ABLIM2: variants seen among roughly 807,000 people sequenced by gnomAD.
ABLIM2 encodes actin binding LIM protein family member 2.
ABLIM2 carries 53 observed loss-of-function variants against 97.7 expected under a neutral mutation model. The ratio of observed to expected loss-of-function variants is 0.54; its 90% CI spans 0.44 to 0.68. ABLIM2 has a LOEUF of 0.68. Ranked by LOEUF, ABLIM2 falls within the 30% of genes least tolerant of loss-of-function variation. ABLIM2 has a pLI of 0.00. For missense variants in ABLIM2, 835 were observed against 867.2 expected (o/e 0.96, Z 0.47); for synonymous variants, 361 against 345.8 (o/e 1.04, Z -0.49).
chr4:8,080,647 G>T, intron 5 of ABLIM2, 29 bp downstream of exon 5: 1 of 1,567,856 alleles, frequency 6.4e-7, no homozygotes, highest in East Asian at 2.3e-5. Flanking sequence ...CTGAGCGGAG[G>T]CTCTCACTAG....
At chr4:8,057,586 T>C (rs1800131087) in intron 7 of ABLIM2, among the ~76,000 whole-genome samples, 1 of 152,216 alleles carries the variant, frequency 6.6e-6, no homozygotes, top group Non-Finnish European at 1.5e-5. Context: ...CCTTGACTTC[T>C]CACCAACATG....
chr4:8,000,946 A>T (rs528509034), intron 16 of ABLIM2, among the ~76,000 whole-genome samples: 50 of 152,210 alleles, frequency 3.3e-4, no homozygotes, highest in African/African-American at 1.2e-3. Context: ...CGGGCACCTT[A>T]TGGGCAGAGG....
In ABLIM2 at chr4:8,015,133, C is replaced by T. The variant is rs975770735; in HGVS notation, c.1423+4485G>A. Reference sequence around the variant, plus strand: ...ACGGGGTTTCACCATGTTGGCCAGGCTGGTCTCGAATGCTTGACCTCAGGT... The same window carrying T: ...ACGGGGTTTCACCATGTTGGCCAGGTTGGTCTCGAATGCTTGACCTCAGGT... On this transcript the variant is annotated intron_variant, in intron 14 of 20. Coordinates refer to ENST00000447017, the MANE Select transcript of ABLIM2 (RefSeq NM_001130083.2). The surrounding 1 kb of genome is among the most constrained non-coding windows in gnomAD (Gnocchi z 4.6). Among the ~76,000 whole-genome samples, 2 of 152,116 alleles carry T rather than the reference C, an allele frequency of 1.3e-5. No individual in the cohort carries two copies. The highest frequency in any genetic ancestry group is 4.8e-5 in the African/African-American group (2 of 41,410).
In ABLIM2 at chr4:8,025,643, G is replaced by T. The variant is rs76647829; in HGVS notation, c.1267+2116C>A. Among the ~76,000 whole-genome samples, 696 of 152,326 alleles carry T rather than the reference G, an allele frequency of 4.6e-3. 5 individuals carry two copies. The highest frequency in any genetic ancestry group is 0.016 in the African/African-American group (669 of 41,574). ...TGGACACTCAGGACGGGGCAGAGGA[G>T]GGGAGGGTCGCCAGGGCTGGCTCTG... On this transcript the variant is annotated intron_variant, in intron 12 of 20. Transcript: ENST00000447017.
rs755517855 is a variant in ABLIM2 at position 8,061,083 on chromosome 4, T to C, written c.676-29A>G. On this transcript the variant is annotated intron_variant, in intron 6 of 20. Transcript: ENST00000447017. This position sits in a 1 kb window ranked among gnomAD's most constrained non-coding sequence, Gnocchi z 4.5. The stretch of plus-strand genomic sequence containing the variant: ...TAAGAAAAGCACAAAGCAGAATGTT[T>C]CTACTAAAGCCAGAAAGGTCGGCTG... 24 of 1,559,014 alleles carry C rather than the reference T, an allele frequency of 1.5e-5. No individual in the cohort carries two copies. The East Asian group carries it at 5.7e-4, about 37-fold the overall frequency.
chr4:8,030,694 G>A (rs1780403875), intron 10 of ABLIM2, among the ~76,000 whole-genome samples: 2 of 152,204 alleles, frequency 1.3e-5, no homozygotes, highest in Admixed American at 6.5e-5. Context: ...CACTCTCTCG[G>A]GCCGGCTAGT....
At chr4:8,029,836 C>T (rs1779754120) in intron 10 of ABLIM2, 60 bp from the exon 11 acceptor site, 1 of 1,530,768 alleles carries the variant, frequency 6.5e-7, no homozygotes, top group South Asian at 1.2e-5. Flanking sequence ...ACCCCTTGTC[C>T]ACCCATCCCC....
intron 20 of ABLIM2, among the ~76,000 whole-genome samples, chr4:7,976,770 CAT>C (rs779674734): frequency 1.3e-5 from 2 of 151,998 alleles, no homozygotes; most frequent in African/African-American, 4.8e-5. Context: ...TATACAGACA[CAT>C]ATACACATAC....
At chr4:8,024,350 C>T (rs1006178924) in intron 12 of ABLIM2, among the ~76,000 whole-genome samples, 1 of 152,104 alleles carries the variant, frequency 6.6e-6, no homozygotes, top group African/African-American at 2.4e-5. Context: ...GCCAGCACCA[C>T]TCTGGAAGCT....
Position 8,005,911 on chromosome 4 carries a change from A to T in ABLIM2, c.1618+2148T>A, listed in dbSNP as rs947093933. 1.3e-5 allele frequency among the ~76,000 whole-genome samples: 2 copies of T among 152,226 alleles called. No individual in the cohort carries two copies. The highest frequency in any genetic ancestry group is 2.9e-5 in the Non-Finnish European group (2 of 68,034). ...ATCTCCCCGGGGAATTCATGAGTGC[A>T]GCACGGGCCATTGGAGTCCTGCAGA... On this transcript the variant is annotated intron_variant, in intron 16 of 20. Coordinates refer to ENST00000447017, the MANE Select transcript of ABLIM2 (RefSeq NM_001130083.2). This position sits in a 1 kb window ranked among gnomAD's most constrained non-coding sequence, Gnocchi z 4.9.
chr4:8,024,555 C>G (rs1251802772), intron 12 of ABLIM2, among the ~76,000 whole-genome samples: 1 of 152,210 alleles, frequency 6.6e-6, no homozygotes, highest in Non-Finnish European at 1.5e-5. Context: ...GCGACGCTGC[C>G]TGGTGTCCAG....
At chr4:8,133,204 A>G (rs1026361381) in intron 1 of ABLIM2, among the ~76,000 whole-genome samples, 4 of 152,138 alleles carry the variant, frequency 2.6e-5, no homozygotes, top group African/African-American at 9.7e-5. Flanking sequence ...TCCCAAATCC[A>G]GCATGACCTC....
At chr4:8,074,908 CCT>C (rs1814993298) in intron 6 of ABLIM2, among the ~76,000 whole-genome samples, 1 of 152,094 alleles carries the variant, frequency 6.6e-6, no homozygotes, top group Admixed American at 6.5e-5. Flanking sequence ...GCCTCAGCCC[CCT>C]GAGTAGCTGG....
chr4:8,134,320 C>T (rs1224456944), intron 1 of ABLIM2, among the ~76,000 whole-genome samples: 2 of 152,140 alleles, frequency 1.3e-5, no homozygotes, highest in African/African-American at 2.4e-5. Context: ...GATGGTGCTG[C>T]GTCTCCCTGT....
intron 14 of ABLIM2, among the ~76,000 whole-genome samples, chr4:8,011,996 C>A (rs1444363156): frequency 2.6e-5 from 4 of 152,150 alleles, no homozygotes; most frequent in South Asian, 4.2e-4. Flanking sequence ...ATTCATTCAC[C>A]CTTTTACCTA....
chr4:7,974,920 T>C (rs1371820038), intron 20 of ABLIM2, among the ~76,000 whole-genome samples: 1 of 152,156 alleles, frequency 6.6e-6, no homozygotes, highest in Non-Finnish European at 1.5e-5. Context: ...CTAAGACAGG[T>C]TAGAAATTCA....
chr4:8,024,677 G>C (rs1776200584), intron 12 of ABLIM2, among the ~76,000 whole-genome samples: 1 of 152,254 alleles, frequency 6.6e-6, no homozygotes. Flanking sequence ...CCCAGGACCT[G>C]AGGGTGAACA....
At chr4:8,106,426 C>T (rs538490295) in intron 2 of ABLIM2, 68 bp downstream of exon 2, 37 of 1,549,038 alleles carry the variant, frequency 2.4e-5, no homozygotes, top group South Asian at 1.1e-4. Context: ...GGAGGCTTTG[C>T]GGGCCCAGGA....
chr4:7,985,756 C>G (rs923534187), intron 17 of ABLIM2, among the ~76,000 whole-genome samples: 1 of 152,222 alleles, frequency 6.6e-6, no homozygotes, highest in Admixed American at 6.5e-5. Flanking sequence ...GCTCCTGCAC[C>G]TGTCTCAGGT....
Sources: allele counts gnomAD v4.1 joint callset (sites outside exome capture counted in the v4.1 genomes callset), GRCh38; gene constraint gnomAD v4.1.1; non-coding constraint Gnocchi (gnomAD v3.1); transcripts MANE v1.5; gene names NCBI Gene and HGNC (gene_info 2026-07-23, HGNC 2026-07-21).